PRKN: variants seen among roughly 807,000 people sequenced by gnomAD.
PRKN encodes the protein parkin RBR E3 ubiquitin protein ligase, also known as E3 ubiquitin-protein ligase parkin.
In PRKN, 56 loss-of-function variants were observed where a neutral mutation model predicts 59.5. The ratio of observed to expected loss-of-function variants is 0.94; its 90% confidence interval spans 0.76 to 1.18. The LOEUF (loss-of-function observed/expected upper bound fraction) is 1.18. PRKN is among the 50% of genes most tolerant of loss of function. The pLI, the probability that PRKN is intolerant of heterozygous loss-of-function variation, is 0.00. For missense variants in PRKN, 657 were observed against 596.4 expected, an observed-to-expected ratio of 1.10 and a Z score of -1.06; for synonymous variants, 250 against 222.1, an observed-to-expected ratio of 1.13 and a Z score of -1.12.
chr6:161,518,076 G>T lies in PRKN; in HGVS notation c.1083+30778C>A, dbSNP rs112819809. ...GGAGGGAGATTTGGCTTCTATGAGG[G>T]CATGTGCGAGTCTAGCTCTCCAGAT... On this transcript the variant is annotated intron_variant, in intron 9 of 11. Transcript: ENST00000366898. This position sits in a 1 kb window ranked among gnomAD's most constrained non-coding sequence, Gnocchi z 5.0. Among the ~76,000 whole-genome samples, 246 of 152,282 alleles carry T rather than the reference G, an allele frequency of 1.6e-3. 1 individual carries two copies. The highest frequency in any genetic ancestry group is 5.5e-3 in the African/African-American group (229 of 41,548).
intron 4 of PRKN, among the ~76,000 whole-genome samples, chr6:162,152,382 C>T (rs967957183): frequency 5.9e-5 from 9 of 152,184 alleles, no homozygotes; most frequent in Non-Finnish European, 1.0e-4. Context: ...GAATAGCCTA[C>T]CTCAAGCTCA....
At chr6:162,345,668 T>C (rs1784370200) in intron 2 of PRKN, among the ~76,000 whole-genome samples, 1 of 152,220 alleles carries the variant, frequency 6.6e-6, no homozygotes, top group East Asian at 1.9e-4. Context: ...GTTGTTAGCA[T>C]ACAGAAATGC....
rs1428578011 is a variant in PRKN at position 161,423,593 on chromosome 6, A to C, written c.1084-36716T>G. On this transcript the variant is annotated intron_variant, in intron 9 of 11. Transcript: ENST00000366898. This position sits in a 1 kb window ranked among gnomAD's most constrained non-coding sequence, Gnocchi z 5.9. ...CATTTACAGATTTAGATGACTTGTCAATCCCAAGCTGGAATTCATAAAATT... is the reference window on the plus strand; with the variant it reads ...CATTTACAGATTTAGATGACTTGTCCATCCCAAGCTGGAATTCATAAAATT... 3.9e-5 allele frequency among the ~76,000 whole-genome samples: 6 copies of C among 152,166 alleles called. No individual in the cohort carries two copies. Among genetic ancestry groups the C allele is most frequent in the Non-Finnish European group, 8.8e-5 (6 of 68,032 alleles).
chr6:162,393,674 A>G (rs1787332970), intron 2 of PRKN, among the ~76,000 whole-genome samples: 1 of 152,198 alleles, frequency 6.6e-6, no homozygotes, highest in Non-Finnish European at 1.5e-5. Context: ...GAATCACTCA[A>G]CATGGTATTG....
chr6:161,958,957 TCTGA>T (rs1780281811), intron 6 of PRKN, among the ~76,000 whole-genome samples: 1 of 152,182 alleles, frequency 6.6e-6, no homozygotes, highest in South Asian at 2.1e-4. Context: ...CATAGTTGAA[TCTGA>T]CTGTTTTTTG....
At chr6:162,328,534 C>T (rs1284507142) in intron 2 of PRKN, among the ~76,000 whole-genome samples, 1 of 152,130 alleles carries the variant, frequency 6.6e-6, no homozygotes, top group Non-Finnish European at 1.5e-5. Flanking sequence ...CAGCTCCTTC[C>T]TTCAAAGGTC....
chr6:162,593,947 G>C (rs893537837), intron 1 of PRKN, among the ~76,000 whole-genome samples: 1 of 152,102 alleles, frequency 6.6e-6, no homozygotes, highest in Non-Finnish European at 1.5e-5. Flanking sequence ...TCAGGAGTTC[G>C]AGCCCAGCCT....
intron 7 of PRKN, among the ~76,000 whole-genome samples, chr6:161,650,346 AT>A (rs1784106801): frequency 6.6e-6 from 1 of 152,164 alleles, no homozygotes; most frequent in Admixed American, 6.5e-5. Flanking sequence ...CTTTCCAGAC[AT>A]TTATAATTTA....
At chr6:162,078,380 A>G (rs1307204212) in intron 4 of PRKN, among the ~76,000 whole-genome samples, 1 of 152,090 alleles carries the variant, frequency 6.6e-6, no homozygotes, top group Non-Finnish European at 1.5e-5. Flanking sequence ...ACATTTATTC[A>G]TAGAAGTATT....
At chr6:162,034,186 T>TATATATATATAG (rs1349695864) in intron 5 of PRKN, among the ~76,000 whole-genome samples, 1 of 133,300 alleles carries the variant, frequency 7.5e-6, no homozygotes, top group African/African-American at 2.9e-5. Flanking sequence ...TATATATATA[T>TATATATATATAG]AGAGAGAGAG....
chr6:162,092,326 C>T (rs777931796), intron 4 of PRKN, among the ~76,000 whole-genome samples: 47 of 151,458 alleles, frequency 3.1e-4, no homozygotes, highest in Non-Finnish European at 2.9e-4. Context: ...TGCGCTCCAG[C>T]GTGGGTGACA....
chr6:161,862,764 G>A (rs989724884), intron 6 of PRKN, among the ~76,000 whole-genome samples: 1 of 152,096 alleles, frequency 6.6e-6, no homozygotes, highest in African/African-American at 2.4e-5. Flanking sequence ...AGGAGTCCAA[G>A]CCATTCAGAG....
chr6:161,676,190 G>C (rs1785080775), intron 7 of PRKN, among the ~76,000 whole-genome samples: 1 of 152,226 alleles, frequency 6.6e-6, no homozygotes, highest in African/African-American at 2.4e-5. Context: ...GCTGGCCTGG[G>C]TTCGTACTTG....
At chr6:162,279,323 C>G (rs1040729442) in intron 2 of PRKN, among the ~76,000 whole-genome samples, 1 of 147,254 alleles carries the variant, frequency 6.8e-6, no homozygotes, top group Admixed American at 7.0e-5. Flanking sequence ...GCCTGGACGA[C>G]AGAGACTCCA....
rs1489871534 is a variant in PRKN at position 161,423,002 on chromosome 6, G to A, written c.1084-36125C>T. ...GGGCATGCATTCAGACATTTTATTT[G>A]TGTCTTTTAGAAAGCATTTATATTT... On this transcript the variant is annotated intron_variant, in intron 9 of 11. Coordinates refer to ENST00000366898, the MANE Select transcript of PRKN (RefSeq NM_004562.3). The surrounding 1 kb of genome is among the most constrained non-coding windows in gnomAD (Gnocchi z 5.9). Among the ~76,000 whole-genome samples, 2 of 152,138 alleles carry A rather than the reference G, an allele frequency of 1.3e-5. No homozygotes were observed. The highest frequency in any genetic ancestry group is 4.8e-5 in the African/African-American group (2 of 41,406).
chr6:161,968,682 T>C (rs1780680775), intron 6 of PRKN, among the ~76,000 whole-genome samples: 1 of 152,194 alleles, frequency 6.6e-6, no homozygotes, highest in African/African-American at 2.4e-5. Context: ...TACACATAAG[T>C]AAAACAATTA....
chr6:161,571,975 C>T (rs1583243444), intron 7 of PRKN, among the ~76,000 whole-genome samples: 1 of 152,276 alleles, frequency 6.6e-6, no homozygotes, highest in East Asian at 1.9e-4. Flanking sequence ...AACCTGCTGC[C>T]CCTAGTTGTC....
chr6:162,651,999 C>A (rs1778458724), intron 1 of PRKN, among the ~76,000 whole-genome samples: 1 of 152,062 alleles, frequency 6.6e-6, no homozygotes, highest in Admixed American at 6.6e-5. Context: ...GATTTCTCAC[C>A]CTCAGTACTA....
chr6:162,669,577 C>T (rs1043095882), intron 1 of PRKN, among the ~76,000 whole-genome samples: 1 of 152,174 alleles, frequency 6.6e-6, no homozygotes, highest in African/African-American at 2.4e-5. Flanking sequence ...TACACAGTTT[C>T]CACTTTTATG....
Sources: allele counts gnomAD v4.1 joint callset (sites outside exome capture counted in the v4.1 genomes callset), GRCh38; gene constraint gnomAD v4.1.1; non-coding constraint Gnocchi (gnomAD v3.1); transcripts MANE v1.5; gene names NCBI Gene and HGNC (gene_info 2026-07-23, HGNC 2026-07-21).